The following PSMF1 variants were observed in gnomAD, a reference collection of about 807,000 sequenced individuals.
PSMF1 encodes proteasome inhibitor subunit 1, also known as proteasome inhibitor PI31 subunit.
In PSMF1, 30 loss-of-function variants were observed where a neutral mutation model predicts 29.3. The ratio of observed to expected loss-of-function variants is 1.02; its 90% confidence interval spans 0.77 to 1.39. The LOEUF (loss-of-function observed/expected upper bound fraction) is 1.39, where lower values mean the gene tolerates loss of function less well. PSMF1 is among the 40% of genes most tolerant of loss of function. The probability of loss-of-function intolerance (pLI) is 0.00; values close to 1 mark genes in which losing one functional copy is unlikely to be tolerated. For missense variants in PSMF1, 344 were observed against 357.5 expected, an observed-to-expected ratio of 0.96 and a Z score of 0.31; for synonymous variants, 134 against 139.7, an observed-to-expected ratio of 0.96 and a Z score of 0.29.
upstream of PSMF1, among the ~76,000 whole-genome samples, chr20:1,115,793 C>T (rs1349368782): frequency 6.7e-6 from 1 of 149,532 alleles, no homozygotes; most frequent in East Asian, 2.0e-4. Flanking sequence ...AGTGCAGTGG[C>T]TTGATCTCGG....
At position 1,161,259 on chromosome 20, in the gene PSMF1, G is replaced by C. The variant is rs182300904; in HGVS notation, c.552-1871G>C. On this transcript the variant is annotated intron_variant, in intron 4 of 6. Transcript: ENST00000335877. ...GGACTTTGAGCAGGAGATGGCCACC[G>C]CTATGTCATCCTTCTCCCTGGAGAA... 5 of 320,530 alleles carry C rather than the reference G, an allele frequency of 1.6e-5. No homozygotes were observed. In the East Asian group the frequency reaches 3.6e-4, roughly 23 times the overall value. 19.9% of individuals were successfully genotyped at this position (320,530 alleles called of 1,614,324 possible).
At chr20:1,115,472 T>C (rs181121191), upstream of PSMF1, among the ~76,000 whole-genome samples, 25 of 152,358 alleles carry the variant, frequency 1.6e-4, no homozygotes, top group East Asian at 4.8e-3. Context: ...ACTGTCATCA[T>C]GTACCAGCAA....
At chr20:1,161,589 G>A in intron 4 of PSMF1, 1 of 645,128 alleles carries the variant, frequency 1.6e-6, no homozygotes. Flanking sequence ...TACTCCGTGT[G>A]GATCAGCAGC....
At chr20:1,158,956 T>G (rs2086630076) in intron 4 of PSMF1, among the ~76,000 whole-genome samples, 1 of 151,836 alleles carries the variant, frequency 6.6e-6, no homozygotes, top group South Asian at 2.1e-4. Flanking sequence ...CTTAGGAGGC[T>G]GAGGCAGGAG....
Position 1,127,458 on chromosome 20 carries a change from C to T in PSMF1, c.315C>T (p.Thr105=). The change falls in exon 3 of 7, where the codon ACC becomes ACT. Residue 105 remains threonine (T), a synonymous_variant. Transcript: ENST00000335877. ...GCTCACAGCAAGTGGCAGACTTGAC[C>T]CTGAACTTGGATGATTATATCGATG... The part of the protein sequence containing the change: ...EYGSQQVADL[T]LNLDDYIDAE... 1 of 1,608,994 alleles carries T rather than the reference C, an allele frequency of 6.2e-7. No homozygotes were observed. The highest frequency in any genetic ancestry group is 8.5e-7 in the Non-Finnish European group (1 of 1,175,262).
upstream of PSMF1, among the ~76,000 whole-genome samples, chr20:1,117,596 G>A (rs8123936): frequency 9.0e-3 from 1,376 of 152,218 alleles, 20 homozygotes; most frequent in African/African-American, 0.03. Flanking sequence ...CGCCTGCCTC[G>A]GCCTCACAAA....
chr20:1,114,399 G>C (rs140175303), upstream of PSMF1, among the ~76,000 whole-genome samples: 98 of 152,342 alleles, frequency 6.4e-4, no homozygotes, highest in African/African-American at 2.3e-3. Context: ...GTCTCACCAC[G>C]GGCTTCTGAG....
rs2086754601 is a variant in PSMF1, at chr20:1,168,227, CTGGATGTGATA to C, written c.*3148_*3158del. 1 of 152,236 alleles carries C rather than the reference CTGGATGTGATA, an allele frequency of 6.6e-6. No homozygotes were observed. The highest frequency in any genetic ancestry group is 2.4e-5 in the African/African-American group (1 of 41,446). 9.4% of individuals were successfully genotyped at this position (152,236 alleles called of 1,614,324 possible). A position where few individuals can be genotyped will look rare whatever the true frequency, so the allele number is the denominator to read the frequency against. ...TTTGACTTTTGGGGATGGTTCTAGG[CTGGATGTGATA>C]CAGGGCAGGTTTTGTCTCTAGAGAA... On this transcript the variant is annotated 3_prime_UTR_variant, in exon 7 of 7. Coordinates refer to ENST00000335877, the MANE Select transcript of PSMF1 (RefSeq NM_006814.5).
chr20:1,114,520 T>C (rs1296933120), upstream of PSMF1, among the ~76,000 whole-genome samples: 1 of 145,584 alleles, frequency 6.9e-6, no homozygotes, highest in Non-Finnish European at 1.5e-5. Context: ...GGGGTGGGGG[T>C]GACGGAGCTG....
In PSMF1 at chr20:1,167,270, T is replaced by C. The variant is rs887004672; in HGVS notation, c.*2190T>C. 2 of 151,688 alleles carry C rather than the reference T, an allele frequency of 1.3e-5. No homozygotes were observed. Among genetic ancestry groups the C allele is most frequent in the African/African-American group, 4.9e-5 (2 of 40,952 alleles). 9.4% of individuals were successfully genotyped at this position (151,688 alleles called of 1,614,324 possible). Reference sequence around the variant, plus strand: ...AGTTGGAGTGTTTCAGGTGTATATTTTGTAGAACCCAAAAGATTGGAGCCT... The same window carrying C: ...AGTTGGAGTGTTTCAGGTGTATATTCTGTAGAACCCAAAAGATTGGAGCCT... On this transcript the variant is annotated 3_prime_UTR_variant, in exon 7 of 7. Coordinates refer to ENST00000335877, the MANE Select transcript of PSMF1 (RefSeq NM_006814.5).
In PSMF1 at chr20:1,166,397, C is replaced by G; in HGVS notation, c.*1317C>G. The G allele has an allele frequency of 3.2e-6, 3 of 946,380 alleles. No individual in the cohort carries two copies. Among genetic ancestry groups the G allele is most frequent in the Non-Finnish European group, 5.0e-6 (3 of 605,810 alleles). 58.6% of individuals were successfully genotyped at this position (946,380 alleles called of 1,614,324 possible). A position where few individuals can be genotyped will look rare whatever the true frequency, so the allele number is the denominator to read the frequency against. On this transcript the variant is annotated 3_prime_UTR_variant, in exon 7 of 7. Coordinates refer to ENST00000335877, the MANE Select transcript of PSMF1 (RefSeq NM_006814.5). ...ATTTCTCAGCTCCCTGGATTCCTTC[C>G]CCTAAATTAGGACCTATTATTTACC...
rs1261014889 is a variant in PSMF1, at chr20:1,164,376, A to G, written c.664A>G (p.Ile222Val). 1.2e-6 allele frequency: 2 copies of G among 1,613,912 alleles called. No homozygotes were observed. The highest frequency in any genetic ancestry group is 1.7e-6 in the Non-Finnish European group (2 of 1,179,870). ...GAGATCTGGCTTCCCAAGAGCACTT[A>G]TTGACCCTTCCTCAGGCCTCCCGAA... ...PLRSGFPRAL[I>V]DPSSGLPNRL... The change falls in exon 6 of 7, where the codon ATT becomes GTT. Residue 222 changes from isoleucine to valine, a missense_variant. Ile to Val is a conservative substitution (Grantham distance 29, BLOSUM62 3). Transcript: ENST00000335877. The surrounding 1 kb of genome is among the most constrained non-coding windows in gnomAD (Gnocchi z 4.1).
At chr20:1,154,141 A>G (rs934726846) in intron 4 of PSMF1, among the ~76,000 whole-genome samples, 2 of 152,244 alleles carry the variant, frequency 1.3e-5, no homozygotes, top group African/African-American at 4.8e-5. Flanking sequence ...CCAAAATGAT[A>G]TAGTATTGTT....
At position 1,165,052 on chromosome 20, in the gene PSMF1, C is replaced by T. The variant is rs1378117086; in HGVS notation, c.788C>T (p.Pro263Leu). The change falls in exon 7 of 7, where the codon CCG becomes CTG. Residue 263 changes from proline to leucine, a missense_variant. Transcript: ENST00000335877. ...AGACCTAACCCAGACCATCTCCCCCCGCCGGGCTACGATGACATGTACCTG... is the reference window on the plus strand; with the variant it reads ...AGACCTAACCCAGACCATCTCCCCCTGCCGGGCTACGATGACATGTACCTG... ...PPGPNPDHLP[P>L]PGYDDMYL The T allele has an allele frequency of 8.1e-6, 13 of 1,614,150 alleles. No individual in the cohort carries two copies. Among genetic ancestry groups the T allele is most frequent in the Non-Finnish European group, 9.3e-6 (11 of 1,180,024 alleles).
chr20:1,165,294 G>A lies in PSMF1; in HGVS notation c.*214G>A, dbSNP rs1388094602. 1.4e-6 allele frequency: 2 copies of A among 1,412,458 alleles called. No individual in the cohort carries two copies. Among genetic ancestry groups the A allele is most frequent in the South Asian group, 1.6e-5 (1 of 63,406 alleles). 87.5% of individuals were successfully genotyped at this position (1,412,458 alleles called of 1,614,324 possible). On this transcript the variant is annotated 3_prime_UTR_variant, in exon 7 of 7. Transcript: ENST00000335877. ...GCAGATAGCTCCCAAAGAGAAATCA[G>A]TGTGTCTCTTTCACCATCAGCTCCT...
intron 4 of PSMF1, among the ~76,000 whole-genome samples, chr20:1,147,859 G>T (rs565507111): frequency 6.6e-6 from 1 of 152,112 alleles, no homozygotes; most frequent in South Asian, 2.1e-4. Flanking sequence ...GCCCAGTTTT[G>T]GGGGGAGGCC....
chr20:1,154,866 GCAGA>G (rs1194548744), intron 4 of PSMF1, among the ~76,000 whole-genome samples: 4 of 152,320 alleles, frequency 2.6e-5, no homozygotes, highest in South Asian at 4.1e-4. Context: ...AGCCTGGTGT[GCAGA>G]CAGTGTTCAC....
In PSMF1 at chr20:1,169,915, A is replaced by G. The variant is rs1180269687; in HGVS notation, c.*4835A>G. 6.6e-6 allele frequency among the ~76,000 whole-genome samples: 1 copy of G among 152,192 alleles called. No individual in the cohort carries two copies. Among genetic ancestry groups the G allele is most frequent in the Non-Finnish European group, 1.5e-5 (1 of 68,026 alleles). On this transcript the variant is annotated 3_prime_UTR_variant, in exon 7 of 7. Coordinates refer to ENST00000335877, the MANE Select transcript of PSMF1 (RefSeq NM_006814.5). ...GCCAATCTTCTGTGTTGTCTACGCC[A>G]TGGACCATGATATAAATGGGTACCA...
intron 3 of PSMF1, among the ~76,000 whole-genome samples, chr20:1,129,551 G>A (rs1387869506): frequency 6.6e-6 from 1 of 152,186 alleles, no homozygotes; most frequent in Non-Finnish European, 1.5e-5. Flanking sequence ...ACCCTCCAGT[G>A]TATTTCCCAC....
Sources: gnomAD v4.1 joint callset for allele counts (sites outside exome capture counted in the v4.1 genomes callset) on GRCh38, gnomAD v4.1.1 for gene constraint, Gnocchi (gnomAD v3.1) non-coding constraint, MANE v1.5 for transcripts, NCBI Gene and HGNC (gene_info 2026-07-23, HGNC 2026-07-21) for gene names.